The following PRKG2 variants were observed in gnomAD, a reference collection of about 807,000 sequenced individuals.
The protein encoded by PRKG2 is protein kinase cGMP-dependent 2.
A neutral mutation model predicts 97.2 loss-of-function variants in PRKG2; 33 were observed. The ratio of observed to expected loss-of-function variants is 0.34; its 90% CI spans 0.26 to 0.45. The LOEUF is 0.45. PRKG2 is among the 20% of genes least tolerant of loss of function. The pLI is 1.00. For synonymous variants in PRKG2, 330 were observed against 321.8 expected, an observed-to-expected ratio of 1.03 and a Z score of -0.27; for missense variants, 638 against 900.0, an observed-to-expected ratio of 0.71 and a Z score of 3.73.
Position 81,174,962 on chromosome 4 carries a change from G to C in PRKG2, c.462-3C>G, listed in dbSNP as rs1479705347. The C allele has an allele frequency of 6.3e-7, 1 of 1,590,170 alleles. No individual in the cohort carries two copies. Among genetic ancestry groups the C allele is most frequent in the Non-Finnish European group, 8.6e-7 (1 of 1,167,140 alleles). ...CATCTGTAATGAGCTTCTTCTCACT[G>C]GTATAATGGAAAAGAGATGTTAGTT... is the stretch of plus-strand genomic sequence containing the variant. On this transcript the variant is annotated splice_region_variant and splice_polypyrimidine_tract_variant and intron_variant, in intron 2 of 18. Transcript: ENST00000264399.
intron 17 of PRKG2, among the ~76,000 whole-genome samples, chr4:81,093,698 G>C (rs984929063): frequency 6.6e-6 from 1 of 152,090 alleles, no homozygotes; most frequent in African/African-American, 2.4e-5. Flanking sequence ...ATGGGATTAA[G>C]AGGAAGTTCT....
intron 14 of PRKG2, among the ~76,000 whole-genome samples, chr4:81,115,873 T>C (rs553347178): frequency 9.5e-4 from 145 of 152,354 alleles, no homozygotes; most frequent in African/African-American, 3.4e-3. Flanking sequence ...TTTTATACAC[T>C]TTTGTTAGAG....
At position 81,137,503 on chromosome 4, in the gene PRKG2, A is replaced by G. The variant is rs201787853; in HGVS notation, c.1545-21T>C. ...ATAATCTGTGAAGACAGATAAAAAC[A>G]TGGTTATTATTGGAAATCTAGTTTA... On this transcript the variant is annotated intron_variant, in intron 12 of 18. Transcript: ENST00000264399. 5.1e-6 allele frequency: 8 copies of G among 1,558,086 alleles called. No homozygotes were observed. The Admixed American group carries it at 1.2e-4, about 24-fold the overall frequency.
intron 14 of PRKG2, among the ~76,000 whole-genome samples, chr4:81,115,106 C>T (rs1744381729): frequency 6.6e-6 from 1 of 151,964 alleles, no homozygotes; most frequent in African/African-American, 2.4e-5. Flanking sequence ...ACATCATTTT[C>T]TAGGTTACGC....
Position 81,093,561 on chromosome 4 carries a change from T to C in PRKG2, c.2127-1109A>G, listed in dbSNP as rs1274867662. Among the ~76,000 whole-genome samples, 4 of 152,330 alleles carry C rather than the reference T, an allele frequency of 2.6e-5. No individual in the cohort carries two copies. In the South Asian group the frequency reaches 8.3e-4, roughly 32 times the overall value. On this transcript the variant is annotated intron_variant, in intron 17 of 18. Coordinates refer to ENST00000264399, the MANE Select transcript of PRKG2 (RefSeq NM_006259.3). ...ATTTTTATCTATTTCCTTTTCTCTG[T>C]GCCCCAGCACTTGGAGTAGTGCTTG...
intron 4 of PRKG2, among the ~76,000 whole-genome samples, chr4:81,170,321 G>A (rs879301219): frequency 1.1e-4 from 16 of 151,994 alleles, no homozygotes; most frequent in Admixed American, 1.0e-3. Context: ...AAGTTTTTGA[G>A]ATAATTTTTT....
chr4:81,119,799 C>G (rs187742880), intron 14 of PRKG2, among the ~76,000 whole-genome samples: 4 of 151,916 alleles, frequency 2.6e-5, no homozygotes, highest in Admixed American at 6.6e-5. Flanking sequence ...CTCAGCCTCC[C>G]GAGTAGCTGG....
chr4:81,102,830 G>C (rs1285119190), intron 17 of PRKG2, among the ~76,000 whole-genome samples: 1 of 152,076 alleles, frequency 6.6e-6, no homozygotes, highest in Non-Finnish European at 1.5e-5. Context: ...AACATGAATA[G>C]CATTTCTATT....
chr4:81,135,131 T>A, intron 14 of PRKG2, 24 bp downstream of exon 14: 1 of 1,592,848 alleles, frequency 6.3e-7, no homozygotes, highest in East Asian at 2.2e-5. Flanking sequence ...CATATGAGAC[T>A]GTAAGTGAGA....
intron 2 of PRKG2, among the ~76,000 whole-genome samples, chr4:81,189,996 T>C (rs1355932060): frequency 6.6e-6 from 1 of 152,144 alleles, no homozygotes; most frequent in Middle Eastern, 3.2e-3. Flanking sequence ...AAAATGGCCA[T>C]ACTGCCCAAA....
In PRKG2 at chr4:81,116,985, C is replaced by CTTTTTTTTTTTTTT. The variant is rs58361616; in HGVS notation, c.1777-6388_1777-6375dup. Among the ~76,000 whole-genome samples, 12 of 78,988 alleles carry CTTTTTTTTTTTTTT rather than the reference C, an allele frequency of 1.5e-4. 2 individuals carry two copies. The highest frequency in any genetic ancestry group is 2.3e-4 in the African/African-American group (4 of 17,260). 51.8% of individuals were successfully genotyped at this position (78,988 alleles called of 152,430 possible). A position where few individuals can be genotyped will look rare whatever the true frequency, so the allele number is the denominator to read the frequency against. ...AGGTTATCTATTTACCCTGTTGTTA[C>CTTTTTTTTTTTTTT]TTTTTTTTTTTTTTTTTTTTTTTTT... On this transcript the variant is annotated intron_variant, in intron 14 of 18. Transcript: ENST00000264399.
At chr4:81,118,986 G>T (rs1010638552) in intron 14 of PRKG2, among the ~76,000 whole-genome samples, 10 of 152,090 alleles carry the variant, frequency 6.6e-5, no homozygotes, top group African/African-American at 2.4e-4. Flanking sequence ...TTGTAGAGAT[G>T]AGGTTTCACC....
intron 2 of PRKG2, among the ~76,000 whole-genome samples, chr4:81,202,471 G>A (rs527257262): frequency 6.6e-5 from 10 of 152,224 alleles, no homozygotes; most frequent in African/African-American, 2.4e-4. Context: ...GAACCACAAG[G>A]CTCTGTGAAA....
chr4:81,196,086 C>T (rs1752942672), intron 2 of PRKG2, among the ~76,000 whole-genome samples: 1 of 152,132 alleles, frequency 6.6e-6, no homozygotes, highest in African/African-American at 2.4e-5. Flanking sequence ...ATGAGAGGGC[C>T]TGTGAGAGGG....
chr4:81,148,921 C>T lies in PRKG2; in HGVS notation c.1117G>A (p.Glu373Lys), dbSNP rs1748116406. Residue 373 changes from glutamate to lysine, a missense_variant, in exon 9 of 19, where the codon GAA (glutamate) becomes AAA (lysine). Glu to Lys is a moderately conservative substitution (Grantham distance 56). Transcript: ENST00000264399. Reference protein sequence around the residue: ...DDVRSANIIAEENDVACLVID... With the variant: ...DDVRSANIIAKENDVACLVID... Reference sequence around the variant, plus strand: ...ACCAGGCATGCAACATCATTTTCTTCAGCAATAATGTTAGCTGACCTGACA... The same window carrying T: ...ACCAGGCATGCAACATCATTTTCTTTAGCAATAATGTTAGCTGACCTGACA... 2 of 1,613,642 alleles carry T rather than the reference C, an allele frequency of 1.2e-6. No homozygotes were observed. The highest frequency in any genetic ancestry group is 1.3e-5 in the African/African-American group (1 of 74,884).
rs1471950532 is a variant in PRKG2, at chr4:81,088,294, A to C, written c.*1414T>G. On this transcript the variant is annotated 3_prime_UTR_variant, in exon 19 of 19. Coordinates refer to ENST00000264399, the MANE Select transcript of PRKG2 (RefSeq NM_006259.3). ...CTTTTTTCTGGATGATGAAATTATG[A>C]GTGGGGACTGGGTAGAGGTTCCTTT... The C allele has an allele frequency of 2.6e-5, 4 of 152,134 alleles. No individual in the cohort carries two copies. Among genetic ancestry groups the C allele is most frequent in the African/African-American group, 7.2e-5 (3 of 41,436 alleles). The allele number at this position is 152,134 out of a possible 1,614,324, so 9.4% of individuals were successfully genotyped here.
chr4:81,144,610 A>ATATT (rs1553923811), intron 9 of PRKG2, among the ~76,000 whole-genome samples: 235 of 140,054 alleles, frequency 1.7e-3, no homozygotes, highest in African/African-American at 6.5e-3. Context: ...ATATATATAT[A>ATATT]TTTTTTTTTT....
intron 1 of PRKG2, among the ~76,000 whole-genome samples, chr4:81,207,564 G>A (rs1201284637): frequency 2.0e-5 from 3 of 152,064 alleles, no homozygotes; most frequent in Non-Finnish European, 2.9e-5. Context: ...AATCATTTTT[G>A]CTCTATGGAT....
Position 81,130,253 on chromosome 4 carries a change from C to T in PRKG2, c.1776+4902G>A, listed in dbSNP as rs750565783. Among the ~76,000 whole-genome samples, 16 of 152,252 alleles carry T rather than the reference C, an allele frequency of 1.1e-4. No homozygotes were observed. The Middle Eastern group carries it at 0.014, about 129-fold the overall frequency. On this transcript the variant is annotated intron_variant, in intron 14 of 18. Coordinates refer to ENST00000264399, the MANE Select transcript of PRKG2 (RefSeq NM_006259.3). The stretch of plus-strand genomic sequence containing the variant: ...GTTAGTTTTCCTTCTAACAGTCAGG[C>T]CCCTCTGTTGCAGGTCTGCTGGAGG...
Sources: gnomAD v4.1 joint callset for allele counts (sites outside exome capture counted in the v4.1 genomes callset) on GRCh38, gnomAD v4.1.1 for gene constraint, MANE v1.5 for transcripts, NCBI Gene and HGNC (gene_info 2026-07-23, HGNC 2026-07-21) for gene names.